Variants in PSG3 observed in about 807,000 individuals in gnomAD.
The protein encoded by PSG3 is pregnancy-specific beta-1-glycoprotein 3.
A neutral mutation model predicts 47.5 loss-of-function variants in PSG3; 61 were observed. The ratio of observed to expected loss-of-function variants is 1.28; its 90% CI spans 1.05 to 1.59. PSG3 has a LOEUF of 1.59. Among genes scored for constraint, PSG3 ranks in the 40% most tolerant of loss-of-function variants. PSG3 has a pLI of 0.00. For synonymous variants in PSG3, 263 were observed against 198.4 expected (o/e 1.33, Z -2.74); for missense variants, 756 against 524.0 (o/e 1.44, Z -4.32).
chr19:42,731,442 G>T (rs1969471879), intron 3 of PSG3, among the ~76,000 whole-genome samples: 1 of 151,984 alleles, frequency 6.6e-6, no homozygotes, highest in Non-Finnish European at 1.5e-5. Flanking sequence ...CACTTTTCTA[G>T]CTTGGTGATT....
chr19:42,723,950 C>T lies in PSG3; in HGVS notation c.*32G>A. The T allele has an allele frequency of 1.3e-6, 2 of 1,589,630 alleles. No homozygotes were observed. Among genetic ancestry groups the T allele is most frequent in the Non-Finnish European group, 8.6e-7 (1 of 1,157,802 alleles). ...AGGAAAGGTCATCATACCTGCCAGTCTTCCTGAAATACAGAAATGACATCA... is the reference window on the plus strand; with the variant it reads ...AGGAAAGGTCATCATACCTGCCAGTTTTCCTGAAATACAGAAATGACATCA... On this transcript the variant is annotated 3_prime_UTR_variant, in exon 6 of 7. Transcript: ENST00000327495.
rs763169930 is a variant in PSG3, at chr19:42,729,179, A to G, written c.1187T>C (p.Val396Ala). The change falls in exon 5 of 7, where the codon GTT becomes GCT. Residue 396 changes from valine to alanine, a missense_variant. Val to Ala is a moderately conservative substitution (Grantham distance 64, BLOSUM62 0). Coordinates refer to ENST00000327495, the MANE Select transcript of PSG3 (RefSeq NM_021016.4). Reference protein sequence around the residue: ...TKHSGLYACSVRNSATGMESS... With the variant: ...TKHSGLYACSARNSATGMESS... ...TTCCATGCCAGTGGCTGAGTTACGA[A>G]CAGAGCAAGCATAGAGCCCGCTATG... 10 of 1,613,864 alleles carry G rather than the reference A, an allele frequency of 6.2e-6. No homozygotes were observed. Among genetic ancestry groups the G allele is most frequent in the African/African-American group, 5.3e-5 (4 of 74,922 alleles).
chr19:42,738,468 C>T (rs914370532), intron 2 of PSG3, among the ~76,000 whole-genome samples: 2 of 152,216 alleles, frequency 1.3e-5, no homozygotes, highest in Non-Finnish European at 2.9e-5. Context: ...TTGGCTGAGA[C>T]TGATCTCCTC....
chr19:42,725,979 T>C (rs549582949), intron 5 of PSG3, among the ~76,000 whole-genome samples: 6 of 151,356 alleles, frequency 4.0e-5, no homozygotes, highest in Admixed American at 3.3e-4. Flanking sequence ...CTATAAATAA[T>C]TGTATGCCAA....
rs1422651867 is a variant in PSG3, at chr19:42,729,838, A to G, written c.928T>C (p.Cys310Arg). ...VTRNETGPYQCEIQDRYGGIR... is the reference protein window; with the variant it reads ...VTRNETGPYQREIQDRYGGIR... ...CCACCATATCGGTCCTGTATTTCAC[A>G]TTGATAGGGTCCTGTTTCATTTCTC... The change falls in exon 4 of 7, where the codon TGT becomes CGT. Residue 310 changes from cysteine to arginine, a missense_variant. Physicochemically the swap from Cys to Arg is radical, Grantham distance 180. Transcript: ENST00000327495. The G allele has an allele frequency of 1.4e-5, 23 of 1,613,418 alleles. No individual in the cohort carries two copies. Among genetic ancestry groups the G allele is most frequent in the Admixed American group, 1.7e-5 (1 of 59,988 alleles).
intron 6 of PSG3, 24 bp downstream of exon 6, chr19:42,723,918 G>C (rs1969334356): frequency 6.5e-7 from 1 of 1,528,264 alleles, no homozygotes. Context: ...GCAGGAACCA[G>C]GATAAGAGGA....
rs1215800468 is a variant in PSG3, at chr19:42,729,520, A to C, written c.989-143T>G. 16 of 1,479,098 alleles carry C rather than the reference A, an allele frequency of 1.1e-5. No individual in the cohort carries two copies. In the East Asian group the frequency reaches 2.9e-4, roughly 27 times the overall value. 91.6% of individuals were successfully genotyped at this position (1,479,098 alleles called of 1,614,324 possible). ...ACCCCCTCTATGTTCACTGAGCTGA[A>C]GCCTGAGGTATTCCCCTGTTTCTCC... On this transcript the variant is annotated intron_variant, in intron 4 of 6. Coordinates refer to ENST00000327495, the MANE Select transcript of PSG3 (RefSeq NM_021016.4).
Position 42,740,380 on chromosome 19 carries a change from C to A in PSG3, c.5G>T (p.Gly2Val), listed in dbSNP as rs1400897373. Residue 2 changes from glycine (G) to valine (V), a missense_variant, in exon 1 of 7, where the codon GGG (glycine) becomes GTG (valine). Gly to Val is a moderately radical substitution (Grantham distance 109). Transcript: ENST00000327495. ...TGTGCAGGGAGGGGCTGAGAGGGGC[C>A]CCATGGTCTCTGCTGCCTGCGTGTT... M[G>V]PLSAPPCTQR... 10 of 1,614,014 alleles carry A rather than the reference C, an allele frequency of 6.2e-6. No homozygotes were observed. The highest frequency in any genetic ancestry group is 8.5e-6 in the Non-Finnish European group (10 of 1,179,934).
chr19:42,734,446 C>G (rs1489035810), intron 2 of PSG3, among the ~76,000 whole-genome samples: 1 of 152,142 alleles, frequency 6.6e-6, no homozygotes, highest in Non-Finnish European at 1.5e-5. Context: ...ATTTGTAATA[C>G]TGTAATTTTC....
At chr19:42,737,693 G>GCCCTCACT (rs1969589575) in intron 2 of PSG3, among the ~76,000 whole-genome samples, 1 of 152,166 alleles carries the variant, frequency 6.6e-6, no homozygotes, top group Non-Finnish European at 1.5e-5. Flanking sequence ...AACCCAGTAA[G>GCCCTCACT]CCCTCACTTC....
rs138485502 is a variant in PSG3, at chr19:42,738,415, G to T, written c.430+309C>A. Among the ~76,000 whole-genome samples the T allele has an allele frequency of 2.0e-5, 3 of 152,302 alleles. No individual in the cohort carries two copies. The East Asian group carries it at 5.8e-4, about 29-fold the overall frequency. On this transcript the variant is annotated intron_variant, in intron 2 of 6. Coordinates refer to ENST00000327495, the MANE Select transcript of PSG3 (RefSeq NM_021016.4). ...AGGCCAAGCCCTACTCAGTTTGCCA[G>T]GGTCTTTCTCAGGGTCAAATTTATG...
chr19:42,737,386 C>T (rs552633373), intron 2 of PSG3, among the ~76,000 whole-genome samples: 10 of 152,160 alleles, frequency 6.6e-5, no homozygotes, highest in Non-Finnish European at 1.5e-4. Flanking sequence ...GTGTCTGTCT[C>T]GCTGGGCCTA....
chr19:42,735,524 G>A (rs113152088), intron 2 of PSG3, among the ~76,000 whole-genome samples: 2,152 of 152,062 alleles, frequency 0.014, 54 homozygotes, highest in African/African-American at 0.05. Flanking sequence ...CTGCCACCAC[G>A]TCCAGCTAAT....
At chr19:42,725,079 T>G (rs937294232) in intron 5 of PSG3, among the ~76,000 whole-genome samples, 2 of 152,160 alleles carry the variant, frequency 1.3e-5, no homozygotes, top group African/African-American at 4.8e-5. Context: ...GACAGGTGGA[T>G]CTGAGATTTG....
intron 6 of PSG3, among the ~76,000 whole-genome samples, chr19:42,722,961 T>C (rs947551214): frequency 6.6e-6 from 1 of 152,228 alleles, no homozygotes; most frequent in African/African-American, 2.4e-5. Flanking sequence ...CATCCACTTT[T>C]AAAAATGTTT....
intron 2 of PSG3, chr19:42,733,316 C>T: frequency 1.3e-6 from 1 of 756,214 alleles, no homozygotes; most frequent in Non-Finnish European, 1.9e-6. Context: ...CACGGAAAGA[C>T]ACAGGACCAG....
chr19:42,728,275 C>T (rs138398585), intron 5 of PSG3, among the ~76,000 whole-genome samples: 4,245 of 152,154 alleles, frequency 0.028, 77 homozygotes, highest in Non-Finnish European at 0.034. Flanking sequence ...ATAAAGTGTC[C>T]AGTAGTCTTA....
In PSG3 at chr19:42,738,956, G is replaced by A. The variant is rs766437572; in HGVS notation, c.198C>T (p.Ile66=). Residue 66 remains isoleucine, a synonymous_variant, in exon 2 of 7, where the codon ATC becomes ATT. Transcript: ENST00000327495. ...HNLPQNLAGY[I]WYKGQMKDLY... ...GGTCCTTCATTTGCCCTTTGTACCA[G>A]ATGTAGCCAGCAAGATTCTGGGGCA... 6.2e-7 allele frequency: 1 copy of A among 1,614,054 alleles called. No homozygotes were observed. The highest frequency in any genetic ancestry group is 8.5e-7 in the Non-Finnish European group (1 of 1,179,966).
intron 3 of PSG3, 102 bp from the exon 4 acceptor site, chr19:42,730,158 G>T: frequency 6.5e-7 from 1 of 1,550,242 alleles, no homozygotes; most frequent in Non-Finnish European, 8.7e-7. Flanking sequence ...CAGCCCACCC[G>T]AGTCCTTGAA....
Sources: gnomAD v4.1 joint callset for allele counts (sites outside exome capture counted in the v4.1 genomes callset) on GRCh38, gnomAD v4.1.1 for gene constraint, MANE v1.5 for transcripts, NCBI Gene and HGNC (gene_info 2026-07-23, HGNC 2026-07-21) for gene names.